Variants in CEP112 observed in about 807,000 individuals in gnomAD.
CEP112 encodes centrosomal protein 112.
CEP112 carries 127 observed loss-of-function variants against 153.0 expected under a neutral mutation model. The ratio of observed to expected loss-of-function variants is 0.83; its 90% CI spans 0.72 to 0.96. The LOEUF is 0.96. Among genes scored for constraint, CEP112 ranks in the 40% least tolerant of loss-of-function variants. The probability of loss-of-function intolerance (pLI) is 0.00; values close to 1 mark genes in which losing one functional copy is unlikely to be tolerated. For missense variants in CEP112, 1,089 were observed against 1,101.2 expected (o/e 0.99, Z 0.16); for synonymous variants, 358 against 374.4 (o/e 0.96, Z 0.51).
intron 4 of CEP112, among the ~76,000 whole-genome samples, chr17:66,136,928 G>A (rs1208232704): frequency 6.6e-6 from 1 of 152,122 alleles, no homozygotes; most frequent in Non-Finnish European, 1.5e-5. Flanking sequence ...TAAAGACTGG[G>A]AGAAGCGGCT....
At chr17:65,677,711 G>A (rs1203388740) in intron 24 of CEP112, among the ~76,000 whole-genome samples, 7 of 152,048 alleles carry the variant, frequency 4.6e-5, no homozygotes, top group African/African-American at 1.7e-4. Context: ...TCAGGAGTTC[G>A]AGACCAGCCT....
In CEP112 at chr17:65,649,213, T is replaced by C. The variant is rs1042412178; in HGVS notation, c.2698-8148A>G. Among the ~76,000 whole-genome samples, 4 of 152,196 alleles carry C rather than the reference T, an allele frequency of 2.6e-5. No individual in the cohort carries two copies. The South Asian group carries it at 8.3e-4, about 32-fold the overall frequency. ...AAACTAAGATGGAAATGTGCAGCTC[T>C]GTGCAATCAGCTTAGGCACAGGCCT... On this transcript the variant is annotated intron_variant, in intron 24 of 26. Transcript: ENST00000535342.
intron 20 of CEP112, among the ~76,000 whole-genome samples, chr17:65,889,415 A>G (rs2059390194): frequency 6.6e-6 from 1 of 152,212 alleles, no homozygotes; most frequent in African/African-American, 2.4e-5. Flanking sequence ...GCATTTGCCC[A>G]TTCCAAATTC....
intron 24 of CEP112, among the ~76,000 whole-genome samples, chr17:65,649,282 G>A (rs184712117): frequency 1.6e-4 from 24 of 152,312 alleles, no homozygotes; most frequent in Admixed American, 1.2e-3. Context: ...TGCCTAACAC[G>A]GAATTGTCTT....
intron 17 of CEP112, among the ~76,000 whole-genome samples, chr17:65,970,378 C>CATGCATGTAAATTACATGCACACATA (rs1264366907): frequency 1.6e-5 from 1 of 62,786 alleles, no homozygotes; most frequent in Non-Finnish European, 3.7e-5. Context: ...ATGCACACAT[C>CATGCATGTAAATTACATGCACACATA]ATGCATATAT....
chr17:65,797,263 C>G (rs1317413420), intron 21 of CEP112: 1 of 152,206 alleles, frequency 6.6e-6, no homozygotes, highest in Non-Finnish European at 1.5e-5. Flanking sequence ...ACCACCCAAG[C>G]CCGGACACAA....
intron 6 of CEP112, among the ~76,000 whole-genome samples, chr17:66,106,688 GCT>G (rs1290807125): frequency 6.6e-6 from 1 of 151,920 alleles, no homozygotes; most frequent in Non-Finnish European, 1.5e-5. Context: ...GGACCCAATG[GCT>G]TCACTGCTGA....
chr17:65,729,330 C>G (rs934701780), intron 23 of CEP112, among the ~76,000 whole-genome samples: 1 of 152,108 alleles, frequency 6.6e-6, no homozygotes, highest in African/African-American at 2.4e-5. Flanking sequence ...TCCATCTTGA[C>G]TGATATGTTG....
chr17:66,082,801 A>G (rs1417719496), intron 8 of CEP112, among the ~76,000 whole-genome samples: 1 of 151,696 alleles, frequency 6.6e-6, no homozygotes, highest in Non-Finnish European at 1.5e-5. Context: ...ATCTGTAGCC[A>G]CCAAAACAAA....
chr17:65,704,555 G>T (rs535345650), intron 23 of CEP112, among the ~76,000 whole-genome samples: 4 of 149,506 alleles, frequency 2.7e-5, no homozygotes, highest in Non-Finnish European at 4.4e-5. Context: ...TGGCATTAGG[G>T]TATTACTATG....
At chr17:65,988,987 C>T (rs979276683) in intron 17 of CEP112, among the ~76,000 whole-genome samples, 12 of 151,800 alleles carry the variant, frequency 7.9e-5, no homozygotes, top group Non-Finnish European at 1.3e-4. Flanking sequence ...CACTTTGGGA[C>T]GCTGAGGCGG....
chr17:65,792,242 G>C (rs1353207449), intron 21 of CEP112, among the ~76,000 whole-genome samples: 1 of 152,112 alleles, frequency 6.6e-6, no homozygotes, highest in Non-Finnish European at 1.5e-5. Flanking sequence ...GCAGCTGACA[G>C]AACTTAATAA....
At chr17:65,760,783 C>A (rs1298338554) in intron 21 of CEP112, among the ~76,000 whole-genome samples, 1 of 151,826 alleles carries the variant, frequency 6.6e-6, no homozygotes, top group Non-Finnish European at 1.5e-5. Flanking sequence ...GAATTATTTC[C>A]TCTGTTTTTA....
At chr17:65,684,914 C>A (rs1356128121) in intron 24 of CEP112, among the ~76,000 whole-genome samples, 3 of 152,078 alleles carry the variant, frequency 2.0e-5, no homozygotes, top group East Asian at 3.9e-4. Context: ...GGTTCTTGCT[C>A]AGAATAAACT....
At chr17:66,187,532 C>T (rs527498711) in intron 1 of CEP112, among the ~76,000 whole-genome samples, 2 of 152,304 alleles carry the variant, frequency 1.3e-5, no homozygotes, top group East Asian at 1.9e-4. Flanking sequence ...TCTTCTTTGA[C>T]TTCAGTGGTT....
intron 18 of CEP112, among the ~76,000 whole-genome samples, chr17:65,959,684 T>C (rs2016053): frequency 0.48 from 73,023 of 152,024 alleles, 18,534 homozygotes; most frequent in East Asian, 0.89. Context: ...CCAGTGACAG[T>C]TGTGGAAGCT....
At chr17:65,708,558 G>C (rs1322928955) in intron 23 of CEP112, among the ~76,000 whole-genome samples, 1 of 152,072 alleles carries the variant, frequency 6.6e-6, no homozygotes, top group Non-Finnish European at 1.5e-5. Context: ...AATCGTAGAA[G>C]CTTCTCTCTC....
intron 6 of CEP112, among the ~76,000 whole-genome samples, chr17:66,123,020 C>T (rs924499780): frequency 8.5e-5 from 13 of 152,210 alleles, no homozygotes; most frequent in Admixed American, 2.0e-4. Flanking sequence ...GGTCTTCAGA[C>T]TGCCTCTCCC....
intron 16 of CEP112, among the ~76,000 whole-genome samples, chr17:66,016,193 C>T (rs962982023): frequency 6.6e-6 from 1 of 152,154 alleles, no homozygotes; most frequent in Admixed American, 6.6e-5. Flanking sequence ...CGGAGTAACA[C>T]ATTTTCAGGA....
Sources: gnomAD v4.1 joint callset for allele counts (sites outside exome capture counted in the v4.1 genomes callset) on GRCh38, gnomAD v4.1.1 for gene constraint, MANE v1.5 for transcripts, NCBI Gene and HGNC (gene_info 2026-07-23, HGNC 2026-07-21) for gene names.